RALGAPA2: variants seen among roughly 807,000 people sequenced by gnomAD.
The protein encoded by RALGAPA2 is ral GTPase-activating protein subunit alpha-2.
A neutral mutation model predicts 230.4 loss-of-function variants in RALGAPA2; 139 were observed. That is an observed-to-expected ratio of 0.60 (90% CI 0.53 to 0.69). RALGAPA2 has a LOEUF of 0.69. RALGAPA2 is among the 30% of genes least tolerant of loss of function. RALGAPA2 has a pLI of 0.00. For missense variants in RALGAPA2, 2,163 were observed against 2,276.0 expected, an observed-to-expected ratio of 0.95 and a Z score of 1.01; for synonymous variants, 847 against 837.8, an observed-to-expected ratio of 1.01 and a Z score of -0.19.
chr20:20,602,123 T>G (rs2065672851), intron 15 of RALGAPA2, among the ~76,000 whole-genome samples: 3 of 152,168 alleles, frequency 2.0e-5, no homozygotes, highest in African/African-American at 4.8e-5. Flanking sequence ...AAAGAAAGTA[T>G]TAATAAACCT....
chr20:20,686,835 C>T (rs1046337252), intron 1 of RALGAPA2, among the ~76,000 whole-genome samples: 5 of 152,186 alleles, frequency 3.3e-5, no homozygotes, highest in Non-Finnish European at 7.4e-5. Context: ...CTCACAAAAA[C>T]CTGCTTCAGC....
At chr20:20,639,163 G>A (rs1013495911) in intron 7 of RALGAPA2, among the ~76,000 whole-genome samples, 2 of 152,206 alleles carry the variant, frequency 1.3e-5, no homozygotes, top group African/African-American at 4.8e-5. Context: ...GAACTCAGTA[G>A]AGATTATTAC....
chr20:20,535,941 T>TG (rs1569468766), intron 25 of RALGAPA2, 138 bp from the exon 26 acceptor site: 1 of 1,336,710 alleles, frequency 7.5e-7, no homozygotes. Context: ...AGTGAGAGCC[T>TG]GGGGGGAAGA....
At chr20:20,461,720 G>T (rs1462656904) in intron 37 of RALGAPA2, among the ~76,000 whole-genome samples, 1 of 152,180 alleles carries the variant, frequency 6.6e-6, no homozygotes, top group African/African-American at 2.4e-5. Flanking sequence ...GGCCCTGGGG[G>T]AATTCTGGAA....
At chr20:20,411,719 A>G (rs561877686) in intron 38 of RALGAPA2, among the ~76,000 whole-genome samples, 1 of 152,284 alleles carries the variant, frequency 6.6e-6, no homozygotes, top group Non-Finnish European at 1.5e-5. Context: ...TCGCTTTTAA[A>G]CAGCATATTC....
At position 20,396,643 on chromosome 20, in the gene RALGAPA2, C is replaced by T. The variant is rs1227986056; in HGVS notation, c.*35+52G>A. On this transcript the variant is annotated intron_variant, in intron 39 of 39. Transcript: ENST00000202677. ...GGGCAGCCGATTAGAAAAGTCCCAC[C>T]CCCTCCCCAAAGCAGGGTGGCTGGA... 16 of 1,528,646 alleles carry T rather than the reference C, an allele frequency of 1.0e-5. No homozygotes were observed. The South Asian group carries it at 1.9e-4, about 18-fold the overall frequency. The allele number at this position is 1,528,646 out of a possible 1,614,324, so 94.7% of individuals were successfully genotyped here.
intron 1 of RALGAPA2, among the ~76,000 whole-genome samples, chr20:20,693,930 C>T (rs2069009766): frequency 6.6e-6 from 1 of 151,968 alleles, no homozygotes; most frequent in African/African-American, 2.4e-5. Context: ...ATGGTGAAAC[C>T]CCATCTCTAC....
intron 23 of RALGAPA2, among the ~76,000 whole-genome samples, chr20:20,563,017 C>T (rs1210923341): frequency 1.3e-5 from 2 of 152,186 alleles, no homozygotes; most frequent in Non-Finnish European, 2.9e-5. Context: ...GCAGTGGATG[C>T]TACCTGATGG....
At chr20:20,410,529 T>C (rs6046838) in intron 38 of RALGAPA2, among the ~76,000 whole-genome samples, 2,822 of 152,314 alleles carry the variant, frequency 0.019, 100 homozygotes, top group East Asian at 0.16. Context: ...AATGAGATCT[T>C]TTTAAAATTA....
In RALGAPA2 at chr20:20,524,420, C is replaced by A. The variant is rs2063138117; in HGVS notation, c.3886G>T (p.Asp1296Tyr). 6.2e-7 allele frequency: 1 copy of A among 1,613,504 alleles called. No homozygotes were observed. The highest frequency in any genetic ancestry group is 8.5e-7 in the Non-Finnish European group (1 of 1,179,726). Residue 1296 changes from aspartate to tyrosine, a missense_variant, in exon 30 of 40, where the codon GAT (aspartate) becomes TAT (tyrosine). Physicochemically the swap from Asp to Tyr is radical, Grantham distance 160. Transcript: ENST00000202677. The stretch of plus-strand genomic sequence containing the variant: ...TGTAGACTCACCCTGTAGATATAAT[C>A]CAGCAAGGGGGCTCTGGCCGAATGC... ...EQHSARAPLL[D>Y]YIYRVLHCCV...
At chr20:20,710,495 C>T (rs577037922) in intron 1 of RALGAPA2, among the ~76,000 whole-genome samples, 2 of 152,204 alleles carry the variant, frequency 1.3e-5, no homozygotes, top group East Asian at 3.9e-4. Context: ...CTAGTCCCTA[C>T]AAAGATCACA....
At chr20:20,645,956 A>T (rs543996498) in intron 4 of RALGAPA2, among the ~76,000 whole-genome samples, 69 of 128,666 alleles carry the variant, frequency 5.4e-4, no homozygotes, top group African/African-American at 1.8e-3. Flanking sequence ...TTTTAATAAT[A>T]AAAAAAAAAA....
intron 37 of RALGAPA2, among the ~76,000 whole-genome samples, chr20:20,458,690 C>CTATATATATATACACACACACACCTA (rs2061199524): frequency 8.4e-6 from 1 of 119,622 alleles, no homozygotes; most frequent in Non-Finnish European, 1.7e-5. Flanking sequence ...ATATATAGAC[C>CTATATATATATACACACACACACCTA]TATATATATA....
chr20:20,556,920 G>C (rs1445215387), intron 23 of RALGAPA2, among the ~76,000 whole-genome samples: 1 of 152,140 alleles, frequency 6.6e-6, no homozygotes, highest in South Asian at 2.1e-4. Context: ...AGGCTAAACT[G>C]AGCCAAGTGT....
At chr20:20,635,191 C>G (rs1342276774) in intron 9 of RALGAPA2, among the ~76,000 whole-genome samples, 1 of 152,140 alleles carries the variant, frequency 6.6e-6, no homozygotes, top group African/African-American at 2.4e-5. Context: ...CAAAATGGCT[C>G]CCGAGATTGC....
At chr20:20,430,649 T>C (rs1192583416) in intron 37 of RALGAPA2, among the ~76,000 whole-genome samples, 1 of 152,206 alleles carries the variant, frequency 6.6e-6, no homozygotes, top group African/African-American at 2.4e-5. Context: ...CCAGTGAATA[T>C]TAAAAATGTC....
intron 18 of RALGAPA2, among the ~76,000 whole-genome samples, chr20:20,588,253 A>G (rs2065188025): frequency 6.6e-6 from 1 of 152,244 alleles, no homozygotes; most frequent in Non-Finnish European, 1.5e-5. Context: ...GAAAAAATAA[A>G]TTGTGGTCTA....
intron 20 of RALGAPA2, among the ~76,000 whole-genome samples, chr20:20,573,600 T>C (rs1235462786): frequency 4.6e-5 from 7 of 152,226 alleles, no homozygotes; most frequent in Non-Finnish European, 2.9e-5. Flanking sequence ...CCCTTCATAA[T>C]TGGTCCCCTT....
intron 28 of RALGAPA2, 30 bp downstream of exon 28, chr20:20,526,222 T>G: frequency 1.4e-6 from 2 of 1,410,264 alleles, no homozygotes; most frequent in Non-Finnish European, 2.0e-6. Flanking sequence ...GAAATGCTTA[T>G]GTTTTAGTAT....
Sources: gnomAD v4.1 joint callset for allele counts (sites outside exome capture counted in the v4.1 genomes callset) on GRCh38, gnomAD v4.1.1 for gene constraint, MANE v1.5 for transcripts, NCBI Gene and HGNC (gene_info 2026-07-23, HGNC 2026-07-21) for gene names.